The following KYNU variants were observed in gnomAD, a reference collection of about 807,000 sequenced individuals.
The protein encoded by KYNU is kynureninase, also known as L-kynurenine hydrolase.
A neutral mutation model predicts 59.2 loss-of-function variants in KYNU; 54 were observed. The ratio of observed to expected loss-of-function variants is 0.91; its 90% CI spans 0.73 to 1.14. The LOEUF is 1.14. KYNU is among the 50% of genes most tolerant of loss of function. The pLI, the probability that KYNU is intolerant of heterozygous loss-of-function variation, is 0.00. For missense variants in KYNU, 567 were observed against 554.4 expected (o/e 1.02, Z -0.23); for synonymous variants, 177 against 192.0 (o/e 0.92, Z 0.65).
chr2:143,038,090 C>T (rs1161923163), intron 12 of KYNU, among the ~76,000 whole-genome samples: 3 of 152,134 alleles, frequency 2.0e-5, no homozygotes, highest in Non-Finnish European at 4.4e-5. Flanking sequence ...CCTTTAAAAA[C>T]TAAATGCAAG....
At chr2:142,931,528 T>C (rs1683218145) in intron 4 of KYNU, among the ~76,000 whole-genome samples, 1 of 152,202 alleles carries the variant, frequency 6.6e-6, no homozygotes, top group East Asian at 1.9e-4. Context: ...AAAGACTGTG[T>C]CTGGATTAAG....
At chr2:142,925,850 G>A (rs757646091) in intron 3 of KYNU, among the ~76,000 whole-genome samples, 9 of 152,110 alleles carry the variant, frequency 5.9e-5, no homozygotes, top group Non-Finnish European at 1.2e-4. Context: ...AACCCAGGTT[G>A]GTACTATACA....
intron 8 of KYNU, among the ~76,000 whole-genome samples, chr2:142,974,855 C>G (rs1284864425): frequency 2.0e-5 from 3 of 152,184 alleles, no homozygotes; most frequent in Non-Finnish European, 1.5e-5. Flanking sequence ...TGTCCAGCCT[C>G]TTCTCTCCAA....
In KYNU at chr2:143,042,608, A is replaced by ATG. The variant is rs1558990201; in HGVS notation, c.*437_*438insGT. The ATG allele has an allele frequency of 0.011, 125 of 11,590 alleles. 1 individual carries two copies. The highest frequency in any genetic ancestry group is 0.016 in the Admixed American group (11 of 700). 0.7% of individuals were successfully genotyped at this position (11,590 alleles called of 1,614,324 possible). ...GATATATATATATATATATATATAT[A>ATG]TATATATATATATATATATATATGT... On this transcript the variant is annotated 3_prime_UTR_variant, in exon 14 of 14. Transcript: ENST00000264170.
chr2:143,010,608 A>T (rs1379998120), intron 10 of KYNU, among the ~76,000 whole-genome samples: 2 of 143,588 alleles, frequency 1.4e-5, no homozygotes. Context: ...CACCAAGTCA[A>T]TCCTAAGCCA....
At chr2:142,955,627 G>A (rs938628348) in intron 5 of KYNU, among the ~76,000 whole-genome samples, 2 of 152,036 alleles carry the variant, frequency 1.3e-5, no homozygotes, top group Non-Finnish European at 2.9e-5. Context: ...AGATCTGCAT[G>A]AGAATTAAAT....
chr2:142,991,441 T>C (rs1422994397), intron 10 of KYNU, among the ~76,000 whole-genome samples: 6 of 151,906 alleles, frequency 3.9e-5, no homozygotes, highest in African/African-American at 1.4e-4. Context: ...GATTTCTCAG[T>C]GAGTTTTTAT....
At chr2:142,906,086 C>T (rs1682288234) in intron 2 of KYNU, among the ~76,000 whole-genome samples, 1 of 151,960 alleles carries the variant, frequency 6.6e-6, no homozygotes, top group Non-Finnish European at 1.5e-5. Flanking sequence ...GTCTCTCTCT[C>T]TCTCTCATCT....
chr2:142,972,731 CTA>C (rs199598586), intron 8 of KYNU, among the ~76,000 whole-genome samples: 5 of 147,074 alleles, frequency 3.4e-5, no homozygotes, highest in Non-Finnish European at 4.5e-5. Flanking sequence ...ATTGTCTTGT[CTA>C]TATATATATA....
At chr2:142,964,386 T>C (rs759900386) in intron 8 of KYNU, among the ~76,000 whole-genome samples, 9 of 152,130 alleles carry the variant, frequency 5.9e-5, no homozygotes, top group Non-Finnish European at 1.0e-4. Context: ...TCCAAAAAAG[T>C]TGTTCTTCTA....
chr2:142,938,750 T>A (rs1241128983), intron 4 of KYNU, among the ~76,000 whole-genome samples: 3 of 152,012 alleles, frequency 2.0e-5, no homozygotes, highest in African/African-American at 7.3e-5. Flanking sequence ...GTGTGGAAAA[T>A]TTTTTAAAAA....
chr2:143,006,773 G>T lies in KYNU; in HGVS notation c.902+20752G>T, dbSNP rs558489423. 2.9e-3 allele frequency among the ~76,000 whole-genome samples: 445 copies of T among 151,888 alleles called. 5 individuals are homozygous for T. The highest frequency in any genetic ancestry group is 0.01 in the African/African-American group (425 of 41,418). On this transcript the variant is annotated intron_variant, in intron 10 of 13. Coordinates refer to ENST00000264170, the MANE Select transcript of KYNU (RefSeq NM_003937.3). ...CCTGACCCCCGAGCAGCCTAACTGG[G>T]AGGCACCCCCCAGCAGGAGCACACT...
At chr2:142,886,671 A>G (rs1438586875) in intron 2 of KYNU, among the ~76,000 whole-genome samples, 1 of 152,216 alleles carries the variant, frequency 6.6e-6, no homozygotes, top group Non-Finnish European at 1.5e-5. Flanking sequence ...ATGGGAGTGA[A>G]TTGTGAGGAA....
intron 8 of KYNU, among the ~76,000 whole-genome samples, chr2:142,961,389 T>C (rs147041576): frequency 3.3e-5 from 5 of 151,506 alleles, no homozygotes; most frequent in African/African-American, 1.2e-4. Context: ...GTGATGCCAT[T>C]GGTACTCAGC....
chr2:142,962,397 A>G (rs1018085565), intron 8 of KYNU, among the ~76,000 whole-genome samples: 1 of 152,182 alleles, frequency 6.6e-6, no homozygotes, highest in Non-Finnish European at 1.5e-5. Context: ...AAAACACCAA[A>G]TGGATTGGCA....
rs1479746206 is a variant in KYNU at position 143,045,601 on chromosome 2, A to T, written c.*3429A>T. Reference sequence around the variant, plus strand: ...TTTATTCTCTTTGCAGCAATTGTGAATGGGAGTTCACTCATGATTTGGTTC... The same window carrying T: ...TTTATTCTCTTTGCAGCAATTGTGATTGGGAGTTCACTCATGATTTGGTTC... On this transcript the variant is annotated 3_prime_UTR_variant, in exon 14 of 14. Coordinates refer to ENST00000264170, the MANE Select transcript of KYNU (RefSeq NM_003937.3). The T allele has an allele frequency of 6.6e-6, 1 of 152,126 alleles. No individual in the cohort carries two copies. The highest frequency in any genetic ancestry group is 1.5e-5 in the Non-Finnish European group (1 of 68,054). 9.4% of individuals were successfully genotyped at this position (152,126 alleles called of 1,614,324 possible).
At chr2:143,016,512 G>GA (rs1386130076) in intron 10 of KYNU, among the ~76,000 whole-genome samples, 1 of 152,076 alleles carries the variant, frequency 6.6e-6, no homozygotes, top group African/African-American at 2.4e-5. Flanking sequence ...TTTTCCAAGT[G>GA]AAAATCCATT....
In KYNU at chr2:142,985,867, TA is replaced by T. The variant is rs2105160137; in HGVS notation, c.829-75del. ...ACTGATCAAATGTTGTGGTTTCAAT[TA>T]AAAAATTCAAATGACTACATTGTTT... On this transcript the variant is annotated intron_variant, in intron 9 of 13. Coordinates refer to ENST00000264170, the MANE Select transcript of KYNU (RefSeq NM_003937.3). 3 of 929,812 alleles carry T rather than the reference TA, an allele frequency of 3.2e-6. No homozygotes were observed. In the South Asian group the frequency reaches 4.2e-5, roughly 13 times the overall value. 57.6% of individuals were successfully genotyped at this position (929,812 alleles called of 1,614,324 possible). A position where few individuals can be genotyped will look rare whatever the true frequency, so the allele number is the denominator to read the frequency against.
chr2:142,953,380 G>C (rs351677), intron 4 of KYNU, among the ~76,000 whole-genome samples: 18 of 152,114 alleles, frequency 1.2e-4, no homozygotes, highest in African/African-American at 4.1e-4. Context: ...AATCTTAAAG[G>C]CATTCCCAGA....
Sources: gnomAD v4.1 joint callset for allele counts (sites outside exome capture counted in the v4.1 genomes callset) on GRCh38, gnomAD v4.1.1 for gene constraint, MANE v1.5 for transcripts, NCBI Gene and HGNC (gene_info 2026-07-23, HGNC 2026-07-21) for gene names.